ARFGEF1: variants seen among roughly 807,000 people sequenced by gnomAD.
ARFGEF1 encodes brefeldin A-inhibited guanine nucleotide-exchange protein 1.
In ARFGEF1, 42 loss-of-function variants were observed where a neutral mutation model predicts 231.0. The observed-to-expected ratio is 0.18, with a 90% CI of 0.14 to 0.24. The LOEUF is 0.24. Ranked by LOEUF, ARFGEF1 falls within the 10% of genes least tolerant of loss-of-function variation. The probability of loss-of-function intolerance (pLI) is 1.00; values close to 1 mark genes in which losing one functional copy is unlikely to be tolerated. For missense variants in ARFGEF1, 1,345 were observed against 2,192.0 expected (o/e 0.61, Z 7.72); for synonymous variants, 710 against 732.3 (o/e 0.97, Z 0.49).
chr8:67,212,167 C>T lies in ARFGEF1; in HGVS notation c.4687-552G>A, dbSNP rs373733551. ...GCGCGATCTCGGCTCACCGTGACCTCTACCTCCTGGGTTCAAGCGATTCTC... is the reference window on the plus strand; with the variant it reads ...GCGCGATCTCGGCTCACCGTGACCTTTACCTCCTGGGTTCAAGCGATTCTC... On this transcript the variant is annotated intron_variant, in intron 33 of 38. Transcript: ENST00000262215. Among the ~76,000 whole-genome samples, 18 of 152,348 alleles carry T rather than the reference C, an allele frequency of 1.2e-4. No individual in the cohort carries two copies. In the East Asian group the frequency reaches 1.7e-3, roughly 15 times the overall value.
At chr8:67,310,008 G>A (rs1806922444) in intron 1 of ARFGEF1, among the ~76,000 whole-genome samples, 3 of 152,028 alleles carry the variant, frequency 2.0e-5, no homozygotes, top group African/African-American at 7.3e-5. Context: ...AAAATACTTT[G>A]GTATTATACA....
intron 15 of ARFGEF1, 118 bp from the exon 16 acceptor site, chr8:67,258,408 C>A: frequency 1.5e-6 from 1 of 680,332 alleles, no homozygotes; most frequent in South Asian, 2.0e-5. Context: ...TCACTGCAAC[C>A]TCTGCCCCCA....
chr8:67,228,214 C>G lies in ARFGEF1; in HGVS notation c.3421+10G>C. The G allele has an allele frequency of 1.2e-6, 2 of 1,610,400 alleles. No individual in the cohort carries two copies. The highest frequency in any genetic ancestry group is 1.7e-6 in the Non-Finnish European group (2 of 1,178,180). ...GCCAGTTCCGAAGTAGAATAAATGC[C>G]CATACTTACCAATGGCATTTCCATC... On this transcript the variant is annotated intron_variant, in intron 24 of 38. Coordinates refer to ENST00000262215, the MANE Select transcript of ARFGEF1 (RefSeq NM_006421.5).
chr8:67,296,473 A>G lies in ARFGEF1; in HGVS notation c.597T>C (p.Thr199=), dbSNP rs139016680. ...GTGCAAAGATAACATTTAGCATCTGAGTGAGAGTAGCTTTGGCTGTTGTCT... is the reference window on the plus strand; with the variant it reads ...GTGCAAAGATAACATTTAGCATCTGGGTGAGAGTAGCTTTGGCTGTTGTCT... ...INQTTAKATL[T]QMLNVIFARM... Residue 199 remains threonine, a synonymous_variant, in exon 5 of 39, where the codon ACT becomes ACC. Transcript: ENST00000262215. 30 of 1,613,840 alleles carry G rather than the reference A, an allele frequency of 1.9e-5. No homozygotes were observed. The highest frequency in any genetic ancestry group is 2.5e-5 in the Non-Finnish European group (29 of 1,179,950).
At chr8:67,316,170 T>C (rs746415257) in intron 1 of ARFGEF1, among the ~76,000 whole-genome samples, 1 of 152,164 alleles carries the variant, frequency 6.6e-6, no homozygotes, top group South Asian at 2.1e-4. Context: ...ACCTGAGAAC[T>C]GAGATGAATA....
intron 1 of ARFGEF1, among the ~76,000 whole-genome samples, chr8:67,320,145 C>T (rs972772080): frequency 1.4e-4 from 21 of 147,532 alleles, no homozygotes; most frequent in Admixed American, 1.4e-4. Context: ...ATCGCTTGAA[C>T]CTGGGGTGGC....
At chr8:67,184,485 C>G (rs1272234473) in intron 5 of ARFGEF1, among the ~76,000 whole-genome samples, 1 of 152,076 alleles carries the variant, frequency 6.6e-6, no homozygotes, top group Non-Finnish European at 1.5e-5. Flanking sequence ...CACCTGTAAT[C>G]CCAGTACTTT....
intron 5 of ARFGEF1, among the ~76,000 whole-genome samples, chr8:67,191,927 A>G (rs1468779251): frequency 1.3e-5 from 2 of 152,102 alleles, no homozygotes; most frequent in Non-Finnish European, 2.9e-5. Flanking sequence ...TTTTGATTTT[A>G]GCCATCTATT....
In ARFGEF1 at chr8:67,297,541, C is replaced by A. The variant is rs78286922; in HGVS notation, c.460-931G>T. 6.1e-4 allele frequency among the ~76,000 whole-genome samples: 93 copies of A among 152,288 alleles called. 1 individual carries two copies. In the East Asian group the frequency reaches 0.017, roughly 28 times the overall value. On this transcript the variant is annotated intron_variant, in intron 4 of 38. Coordinates refer to ENST00000262215, the MANE Select transcript of ARFGEF1 (RefSeq NM_006421.5). ...ACTCCAGTGAGCTGTGATCATGCCA[C>A]AGCACTTAGCCTGGGCAACAGAGTG...
At chr8:67,253,349 AC>A (rs2128886219) in intron 18 of ARFGEF1, 101 bp downstream of exon 18, 1 of 747,676 alleles carries the variant, frequency 1.3e-6, no homozygotes, top group South Asian at 3.2e-5. Flanking sequence ...GTAGCTGGGG[AC>A]TATAAATGCA....
chr8:67,209,519 G>C (rs1838647061), intron 34 of ARFGEF1, among the ~76,000 whole-genome samples: 1 of 152,174 alleles, frequency 6.6e-6, no homozygotes, highest in Non-Finnish European at 1.5e-5. Context: ...TGGTGGCTGT[G>C]AATGTACTAA....
chr8:67,258,033 C>T, intron 16 of ARFGEF1, 52 bp downstream of exon 16: 4 of 1,493,398 alleles, frequency 2.7e-6, no homozygotes, highest in Non-Finnish European at 2.8e-6. Flanking sequence ...TGCTACCTAG[C>T]ACAGTGGTTT....
Position 67,192,072 on chromosome 8 carries a change from T to G in ARFGEF1, c.560+8324A>C, listed in dbSNP as rs552669345. ...TCAAATCCTTTGCTGATTTGTTTTTTTTTTTGTTTTTTTTTTTTGATACAG... is the reference window on the plus strand; with the variant it reads ...TCAAATCCTTTGCTGATTTGTTTTTGTTTTTGTTTTTTTTTTTTGATACAG... On this transcript the variant is annotated intron_variant, in intron 5 of 5. Coordinates refer to the ARFGEF1 transcript ENST00000518789. 2.0e-3 allele frequency among the ~76,000 whole-genome samples: 290 copies of G among 142,174 alleles called. 1 individual carries two copies. The highest frequency in any genetic ancestry group is 7.1e-3 in the African/African-American group (271 of 38,048). 93.3% of individuals were successfully genotyped at this position (142,174 alleles called of 152,430 possible).
chr8:67,299,977 A>C (rs1388169264), intron 3 of ARFGEF1, among the ~76,000 whole-genome samples: 4 of 143,280 alleles, frequency 2.8e-5, no homozygotes, highest in African/African-American at 1.0e-4. Context: ...AAAAAAAAAC[A>C]AAAAAAAAAT....
chr8:67,217,601 T>C (rs955058029), intron 32 of ARFGEF1, among the ~76,000 whole-genome samples, 181 bp downstream of exon 32: 3 of 152,232 alleles, frequency 2.0e-5, no homozygotes, highest in Non-Finnish European at 4.4e-5. Context: ...AATTTATGTA[T>C]TTGTTATAGT....
chr8:67,188,028 C>T (rs560906641), intron 5 of ARFGEF1, among the ~76,000 whole-genome samples: 207 of 152,144 alleles, frequency 1.4e-3, no homozygotes, highest in African/African-American at 4.8e-3. Flanking sequence ...ATTGATAAGC[C>T]GGACTTTGTA....
At chr8:67,263,163 T>G (rs1804706679) in intron 14 of ARFGEF1, among the ~76,000 whole-genome samples, 1 of 152,212 alleles carries the variant, frequency 6.6e-6, no homozygotes, top group South Asian at 2.1e-4. Context: ...TTCCTCTGCA[T>G]GTCTTTTACC....
chr8:67,274,027 A>G (rs186981470), intron 9 of ARFGEF1, among the ~76,000 whole-genome samples: 2 of 152,320 alleles, frequency 1.3e-5, no homozygotes, highest in Admixed American at 1.3e-4. Context: ...TACATGCTAA[A>G]AAAAATTAAT....
In ARFGEF1 at chr8:67,232,849, C is replaced by T; in HGVS notation, c.3380+6G>A. 6.3e-7 allele frequency: 1 copy of T among 1,584,908 alleles called. No individual in the cohort carries two copies. Among genetic ancestry groups the T allele is most frequent in the Non-Finnish European group, 8.6e-7 (1 of 1,159,068 alleles). On this transcript the variant is annotated splice_donor_region_variant and intron_variant, in intron 23 of 38. Coordinates refer to ENST00000262215, the MANE Select transcript of ARFGEF1 (RefSeq NM_006421.5). ...ATCTGAAAAGGGAATAAAATGAATA[C>T]CTTACCTATCTACAGCAACAACAAC...
Sources: allele counts gnomAD v4.1 joint callset (sites outside exome capture counted in the v4.1 genomes callset), GRCh38; gene constraint gnomAD v4.1.1; transcripts MANE v1.5; gene names NCBI Gene and HGNC (gene_info 2026-07-23, HGNC 2026-07-21).